PLBD2: variants seen among roughly 807,000 people sequenced by gnomAD.
PLBD2 encodes putative aminopeptidase PLBD2.
Under a neutral mutation model 68.3 loss-of-function variants are expected in PLBD2, and 51 were observed. That is an observed-to-expected ratio of 0.75 (90% CI 0.60 to 0.94). The LOEUF (loss-of-function observed/expected upper bound fraction) is 0.94. PLBD2 is among the 40% of genes least tolerant of loss of function. PLBD2 has a pLI of 0.00. For synonymous variants in PLBD2, 314 were observed against 339.3 expected, an observed-to-expected ratio of 0.93 and a Z score of 0.82; for missense variants, 729 against 792.2, an observed-to-expected ratio of 0.92 and a Z score of 0.96.
chr12:113,374,748 C>T (rs1429466701), intron 4 of PLBD2, 45 bp from the exon 5 acceptor site: 4 of 1,602,214 alleles, frequency 2.5e-6, no homozygotes, highest in South Asian at 1.1e-5. Flanking sequence ...CATAACAGCA[C>T]TCACAGCAGG....
intron 2 of PLBD2, among the ~76,000 whole-genome samples, chr12:113,370,338 A>T (rs937703613): frequency 8.6e-5 from 13 of 152,024 alleles, no homozygotes; most frequent in African/African-American, 2.9e-4. Flanking sequence ...GGCTTAGGGG[A>T]TGCTCAATGG....
chr12:113,372,569 G>T lies in PLBD2; in HGVS notation c.385-80G>T. 6.7e-7 allele frequency: 1 copy of T among 1,493,698 alleles called. No individual in the cohort carries two copies. Among genetic ancestry groups the T allele is most frequent in the Non-Finnish European group, 9.1e-7 (1 of 1,095,068 alleles). The allele number at this position is 1,493,698 out of a possible 1,614,324, so 92.5% of individuals were successfully genotyped here. ...GGCCACACCAGCAGCCTCCGCTCTG[G>T]GGCAGCCTGGGTGGGGGGCTCTCAG... On this transcript the variant is annotated intron_variant, in intron 2 of 11. Coordinates refer to ENST00000280800, the MANE Select transcript of PLBD2 (RefSeq NM_173542.4). This position sits in a 1 kb window ranked among gnomAD's most constrained non-coding sequence, Gnocchi z 4.2.
chr12:113,382,447 A>AT (rs111407528), intron 6 of PLBD2, among the ~76,000 whole-genome samples: 3,040 of 148,428 alleles, frequency 0.02, 83 homozygotes, highest in African/African-American at 0.063. Flanking sequence ...AAATTTCAGG[A>AT]TTTTTTTTTT....
At position 113,384,114 on chromosome 12, in the gene PLBD2, G is replaced by A. The variant is rs753650495; in HGVS notation, c.967G>A (p.Glu323Lys). 1.2e-6 allele frequency: 2 copies of A among 1,608,494 alleles called. No individual in the cohort carries two copies. The highest frequency in any genetic ancestry group is 1.7e-6 in the Non-Finnish European group (2 of 1,176,442). Reference protein sequence around the residue: ...YILGSGLVTLETTIGNKNPAL... With the variant: ...YILGSGLVTLKTTIGNKNPAL... ...CTTGACCTTCCCACAGGTGACACTG[G>A]AGACCACCATTGGCAACAAGAACCC... is the stretch of plus-strand genomic sequence containing the variant. The change falls in exon 7 of 12, where the codon GAG becomes AAG. Residue 323 changes from glutamate to lysine, a missense_variant. By Grantham distance (56) the Glu-to-Lys change is moderately conservative (BLOSUM62 1). Transcript: ENST00000280800. This position sits in a 1 kb window ranked among gnomAD's most constrained non-coding sequence, Gnocchi z 4.2.
At chr12:113,359,474 C>T (rs957132748) in intron 1 of PLBD2, 1 of 152,324 alleles carries the variant, frequency 6.6e-6, no homozygotes, top group Admixed American at 6.5e-5. Context: ...CCTGCTAGGG[C>T]TCTGCTCCTC....
intron 8 of PLBD2, 86 bp downstream of exon 8, chr12:113,385,032 G>A (rs1012885468): frequency 1.5e-5 from 21 of 1,394,964 alleles, no homozygotes; most frequent in Non-Finnish European, 2.0e-5. Context: ...GCGCTGTGCA[G>A]GAAGTGAACG....
Position 113,374,785 on chromosome 12 carries a change from C to G in PLBD2, c.645-8C>G. The G allele has an allele frequency of 1.2e-6, 2 of 1,613,618 alleles. No individual in the cohort carries two copies. The highest frequency in any genetic ancestry group is 1.7e-6 in the Non-Finnish European group (2 of 1,180,006). Reference sequence around the variant, plus strand: ...GTGGTAACCCTCTGATGCCCTGGCCCTCCTCAGCCTGCTGCAGCTCTCTGG... The same window carrying G: ...GTGGTAACCCTCTGATGCCCTGGCCGTCCTCAGCCTGCTGCAGCTCTCTGG... On this transcript the variant is annotated splice_polypyrimidine_tract_variant and splice_region_variant and intron_variant, in intron 4 of 11. Coordinates refer to ENST00000280800, the MANE Select transcript of PLBD2 (RefSeq NM_173542.4).
chr12:113,391,623 G>C lies in PLBD2; in HGVS notation c.*2997G>C, dbSNP rs939429285. ...AAGCAAGGTTGGGGTCTGGGGTTGG[G>C]AATTGACTTGTGGTTTTATCTTATT... On this transcript the variant is annotated 3_prime_UTR_variant, in exon 12 of 12. Coordinates refer to ENST00000280800, the MANE Select transcript of PLBD2 (RefSeq NM_173542.4). The C allele has an allele frequency of 6.6e-6, 1 of 152,214 alleles. No homozygotes were observed. Among genetic ancestry groups the C allele is most frequent in the African/African-American group, 2.4e-5 (1 of 41,470 alleles). The allele number at this position is 152,214 out of a possible 1,614,324, so 9.4% of individuals were successfully genotyped here. A position where few individuals can be genotyped will look rare whatever the true frequency, so the allele number is the denominator to read the frequency against.
At chr12:113,370,178 G>A (rs1232072029) in intron 2 of PLBD2, among the ~76,000 whole-genome samples, 1 of 152,082 alleles carries the variant, frequency 6.6e-6, no homozygotes, top group East Asian at 1.9e-4. Flanking sequence ...GGGATTACAG[G>A]TGTGAGCCAC....
At position 113,384,398 on chromosome 12, in the gene PLBD2, T is replaced by C; in HGVS notation, c.1118+133T>C. On this transcript the variant is annotated intron_variant, in intron 7 of 11. Transcript: ENST00000280800. This position sits in a 1 kb window ranked among gnomAD's most constrained non-coding sequence, Gnocchi z 4.2. Reference sequence around the variant, plus strand: ...CCCACGCCCTCCTTTGTTTCATACATGGGGAGACTGAGGCTAGGGAAGGAA... The same window carrying C: ...CCCACGCCCTCCTTTGTTTCATACACGGGGAGACTGAGGCTAGGGAAGGAA... 1 of 1,174,168 alleles carries C rather than the reference T, an allele frequency of 8.5e-7. No individual in the cohort carries two copies. The highest frequency in any genetic ancestry group is 1.2e-6 in the Non-Finnish European group (1 of 855,414). The allele number at this position is 1,174,168 out of a possible 1,614,324, so 72.7% of individuals were successfully genotyped here. A position where few individuals can be genotyped will look rare whatever the true frequency, so the allele number is the denominator to read the frequency against.
At chr12:113,376,367 T>G (rs930429063) in intron 5 of PLBD2, among the ~76,000 whole-genome samples, 3 of 151,990 alleles carry the variant, frequency 2.0e-5, no homozygotes, top group African/African-American at 4.8e-5. Context: ...TTTTGCCATG[T>G]TGGCCAGGCT....
At chr12:113,379,041 G>T (rs958343585) in intron 5 of PLBD2, among the ~76,000 whole-genome samples, 46 of 152,086 alleles carry the variant, frequency 3.0e-4, no homozygotes, top group African/African-American at 1.0e-3. Context: ...AGACGCGGTG[G>T]CTCATGCCTA....
At chr12:113,373,008 C>T (rs78481950) in intron 3 of PLBD2, among the ~76,000 whole-genome samples, 3,682 of 152,318 alleles carry the variant, frequency 0.024, 135 homozygotes, top group East Asian at 0.12. Flanking sequence ...CTCCAGCCAT[C>T]CATCCTAGCC....
chr12:113,367,301 C>CTTCT (rs1376090181), intron 1 of PLBD2, among the ~76,000 whole-genome samples: 1 of 152,198 alleles, frequency 6.6e-6, no homozygotes, highest in East Asian at 1.9e-4. Context: ...CATGTTGGAA[C>CTTCT]TTCTGCAGCT....
Position 113,364,261 on chromosome 12 carries a change from A to C in PLBD2, c.291-4855A>C, listed in dbSNP as rs1470453124. Among the ~76,000 whole-genome samples the C allele has an allele frequency of 2.0e-5, 3 of 152,200 alleles. No individual in the cohort carries two copies. In the East Asian group the frequency reaches 5.8e-4, roughly 29 times the overall value. ...CTTGCTAGAAGGGGTAGCTCTCACCAGGTGTGCCCTGGAGGAGGCCACTGG... is the reference window on the plus strand; with the variant it reads ...CTTGCTAGAAGGGGTAGCTCTCACCCGGTGTGCCCTGGAGGAGGCCACTGG... On this transcript the variant is annotated intron_variant, in intron 1 of 11. Coordinates refer to ENST00000280800, the MANE Select transcript of PLBD2 (RefSeq NM_173542.4).
Position 113,385,262 on chromosome 12 carries a change from AC to A in PLBD2, c.1266del (p.Trp423GlyfsTer21). ...DKTSELYQKT[Y>X]WASYNIPSFE... The stretch of plus-strand genomic sequence containing the variant: ...ACCTCGGAGCTCTACCAGAAGACCT[AC>A]TGGGCCAGCTACAACATACCGTGCG... On this transcript the variant is annotated frameshift_variant, in exon 9 of 12. Coordinates refer to ENST00000280800, the MANE Select transcript of PLBD2 (RefSeq NM_173542.4). 1 of 1,614,044 alleles carries A rather than the reference AC, an allele frequency of 6.2e-7. No homozygotes were observed. Among genetic ancestry groups the A allele is most frequent in the Non-Finnish European group, 8.5e-7 (1 of 1,179,982 alleles).
In PLBD2 at chr12:113,388,837, G is replaced by A. The variant is rs528741993; in HGVS notation, c.*211G>A. 8 of 499,318 alleles carry A rather than the reference G, an allele frequency of 1.6e-5. No homozygotes were observed. The highest frequency in any genetic ancestry group is 1.4e-4 in the South Asian group (4 of 28,756). 30.9% of individuals were successfully genotyped at this position (499,318 alleles called of 1,614,324 possible). On this transcript the variant is annotated 3_prime_UTR_variant, in exon 12 of 12. Coordinates refer to ENST00000280800, the MANE Select transcript of PLBD2 (RefSeq NM_173542.4). ...CCCCGAGGTGGGTGGGCACCGTGGCGTCTCTTCTGCCCTGCCCTAAATCTC... is the reference window on the plus strand; with the variant it reads ...CCCCGAGGTGGGTGGGCACCGTGGCATCTCTTCTGCCCTGCCCTAAATCTC...
Position 113,372,075 on chromosome 12 carries a change from A to G in PLBD2, c.385-574A>G, listed in dbSNP as rs541777389. Among the ~76,000 whole-genome samples, 1 of 152,092 alleles carries G rather than the reference A, an allele frequency of 6.6e-6. No homozygotes were observed. Among genetic ancestry groups the G allele is most frequent in the Admixed American group, 6.6e-5 (1 of 15,254 alleles). On this transcript the variant is annotated intron_variant, in intron 2 of 11. Transcript: ENST00000280800. This position sits in a 1 kb window ranked among gnomAD's most constrained non-coding sequence, Gnocchi z 4.2. ...TTGGATGTGTTTCAGTGAGATGGTG[A>G]TGGAGCAGCAGTCATGAAGCCATCA...
chr12:113,368,017 G>A (rs1420564803), intron 1 of PLBD2, among the ~76,000 whole-genome samples: 1 of 152,024 alleles, frequency 6.6e-6, no homozygotes, highest in African/African-American at 2.4e-5. Context: ...GGGAGGCAGA[G>A]GTTGCAGTGA....
Sources: gnomAD v4.1 joint callset for allele counts (sites outside exome capture counted in the v4.1 genomes callset) on GRCh38, gnomAD v4.1.1 for gene constraint, Gnocchi (gnomAD v3.1) non-coding constraint, MANE v1.5 for transcripts, NCBI Gene and HGNC (gene_info 2026-07-23, HGNC 2026-07-21) for gene names.